LOXHD1: variants seen among roughly 807,000 people sequenced by gnomAD.
LOXHD1 encodes the protein lipoxygenase homology domain-containing protein 1.
Under a neutral mutation model 248.2 loss-of-function variants are expected in LOXHD1, and 205 were observed. That is an observed-to-expected ratio of 0.83 (90% CI 0.74 to 0.93). The LOEUF is 0.93. LOXHD1 is among the 40% of genes least tolerant of loss of function. LOXHD1 has a pLI of 0.00. For synonymous variants in LOXHD1, 1,113 were observed against 1,162.8 expected (o/e 0.96, Z 0.87); for missense variants, 2,930 against 2,971.6 (o/e 0.99, Z 0.33).
rs923044103 is a variant in LOXHD1 at position 46,542,365 on chromosome 18, G to A, written c.3748+362C>T. Among the ~76,000 whole-genome samples the A allele has an allele frequency of 2.0e-5, 3 of 152,176 alleles. No homozygotes were observed. The South Asian group carries it at 6.2e-4, about 32-fold the overall frequency. ...GAAGCAATTGAATCAAAGGCTCTGG[G>A]GGTGGAGCCAAGAAATCTGTGAGTT... On this transcript the variant is annotated intron_variant, in intron 24 of 40. Coordinates refer to ENST00000642948, the MANE Select transcript of LOXHD1 (RefSeq NM_001384474.1).
chr18:46,551,260 G>A (rs112332992), intron 21 of LOXHD1, among the ~76,000 whole-genome samples: 3 of 152,004 alleles, frequency 2.0e-5, no homozygotes, highest in South Asian at 2.1e-4. Flanking sequence ...TCACCACCAC[G>A]TCTGGCTAAT....
rs71162809 is a variant in LOXHD1 at position 46,573,022 on chromosome 18, C to CAAAAAA, written c.1971-866_1971-861dup. On this transcript the variant is annotated intron_variant, in intron 14 of 40. Coordinates refer to ENST00000642948, the MANE Select transcript of LOXHD1 (RefSeq NM_001384474.1). ...TGGGCGACAGGGTGAGACTCCGTCT[C>CAAAAAA]AAAAAAAAAAAAAAAAAAAAAAAAG... Among the ~76,000 whole-genome samples the CAAAAAA allele has an allele frequency of 1.3e-3, 77 of 57,352 alleles. 4 individuals carry two copies. The highest frequency in any genetic ancestry group is 1.8e-3 in the East Asian group (3 of 1,714). 37.6% of individuals were successfully genotyped at this position (57,352 alleles called of 152,430 possible). A position where few individuals can be genotyped will look rare whatever the true frequency, so the allele number is the denominator to read the frequency against.
intron 17 of LOXHD1, among the ~76,000 whole-genome samples, chr18:46,565,564 G>T (rs1315703757): frequency 6.6e-6 from 1 of 152,190 alleles, no homozygotes; most frequent in African/African-American, 2.4e-5. Flanking sequence ...TCATTCCTCA[G>T]TATCTGCAGG....
chr18:46,649,097 G>A lies in LOXHD1; in HGVS notation c.245+58C>T, dbSNP rs539041173. The A allele has an allele frequency of 1.8e-4, 252 of 1,436,294 alleles. 1 individual carries two copies. The Middle Eastern group carries it at 3.6e-3, about 21-fold the overall frequency. 89.0% of individuals were successfully genotyped at this position (1,436,294 alleles called of 1,614,324 possible). ...AGAAGCAGGCCACCCTTGGGTCCCA[G>A]AACCTAATCAACAGGACTAATGGCC... On this transcript the variant is annotated intron_variant, in intron 2 of 40. Transcript: ENST00000642948.
At chr18:46,559,101 C>T in intron 20 of LOXHD1, 2 of 1,309,796 alleles carry the variant, frequency 1.5e-6, no homozygotes, top group Non-Finnish European at 1.0e-6. Flanking sequence ...AAGTTGCTCC[C>T]TCCCCCTAGT....
At chr18:46,566,920 C>T (rs2037655078) in intron 16 of LOXHD1, among the ~76,000 whole-genome samples, 1 of 152,182 alleles carries the variant, frequency 6.6e-6, no homozygotes, top group African/African-American at 2.4e-5. Context: ...CAGAATATCA[C>T]CCATCCTGAA....
chr18:46,507,770 C>T, intron 35 of LOXHD1, 58 bp from the exon 36 acceptor site: 1 of 1,500,304 alleles, frequency 6.7e-7, no homozygotes. Context: ...CCACCAGCAC[C>T]CCCTGGCTCA....
At chr18:46,511,462 C>T (rs1458788081) in intron 34 of LOXHD1, among the ~76,000 whole-genome samples, 1 of 152,128 alleles carries the variant, frequency 6.6e-6, no homozygotes, top group Non-Finnish European at 1.5e-5. Flanking sequence ...AGGAAGGGCC[C>T]CCTTTGGCTG....
At chr18:46,547,985 A>G (rs1422447500) in intron 21 of LOXHD1, among the ~76,000 whole-genome samples, 1 of 152,210 alleles carries the variant, frequency 6.6e-6, no homozygotes, top group Non-Finnish European at 1.5e-5. Context: ...TGCCTATTTC[A>G]TAGGGTGTTG....
At chr18:46,646,472 ACT>A (rs909567175) in intron 2 of LOXHD1, among the ~76,000 whole-genome samples, 1 of 151,878 alleles carries the variant, frequency 6.6e-6, no homozygotes, top group Non-Finnish European at 1.5e-5. Context: ...TCACAGCCAG[ACT>A]CTGGCCTCCT....
chr18:46,635,742 C>A (rs776076995), intron 4 of LOXHD1, among the ~76,000 whole-genome samples: 3 of 152,168 alleles, frequency 2.0e-5, no homozygotes, highest in Non-Finnish European at 4.4e-5. Flanking sequence ...GTAATATCAA[C>A]TTTCTTATTA....
chr18:46,625,815 T>A (rs2038734050), intron 4 of LOXHD1, among the ~76,000 whole-genome samples: 1 of 152,152 alleles, frequency 6.6e-6, no homozygotes, highest in Admixed American at 6.5e-5. Flanking sequence ...TACCCTGCAG[T>A]CACTCGTCCT....
At chr18:46,622,090 G>A (rs1244991603) in intron 4 of LOXHD1, among the ~76,000 whole-genome samples, 1 of 152,188 alleles carries the variant, frequency 6.6e-6, no homozygotes, top group Non-Finnish European at 1.5e-5. Context: ...CTCAAAGCAA[G>A]GTCTCTGGTC....
At chr18:46,579,513 G>T in intron 13 of LOXHD1, 117 bp downstream of exon 13, 1 of 1,379,396 alleles carries the variant, frequency 7.2e-7, no homozygotes, top group Non-Finnish European at 1.0e-6. Flanking sequence ...TGAGGCTCCT[G>T]ATGGCTGAGG....
chr18:46,616,381 G>C (rs548410990), intron 5 of LOXHD1, among the ~76,000 whole-genome samples: 1 of 152,304 alleles, frequency 6.6e-6, no homozygotes, highest in South Asian at 2.1e-4. Context: ...GGAATGGGGA[G>C]ATCAGCAGGG....
chr18:46,599,739 A>G (rs2038307249), intron 8 of LOXHD1, among the ~76,000 whole-genome samples: 1 of 152,208 alleles, frequency 6.6e-6, no homozygotes, highest in Admixed American at 6.5e-5. Flanking sequence ...ATTGGTCAAT[A>G]GGAAACTCAG....
chr18:46,562,030 G>A (rs2037539640), intron 18 of LOXHD1, among the ~76,000 whole-genome samples: 1 of 152,226 alleles, frequency 6.6e-6, no homozygotes, highest in African/African-American at 2.4e-5. Flanking sequence ...TCCATCCCAA[G>A]TGCATTCCCT....
At position 46,560,140 on chromosome 18, in the gene LOXHD1, TGCCCCGG is replaced by T; in HGVS notation, c.2997_3003del (p.Gly1001ArgfsTer42). ...TCCACGACAAGTTCGTTGTCCTCCT[TGCCCCGG>T]GCCAGCCAGCGGTGGGCTTCGAACT... On this transcript the variant is annotated frameshift_variant, in exon 19 of 41. Transcript: ENST00000642948. LOFTEE classifies it high-confidence loss of function. 6.7e-7 allele frequency: 1 copy of T among 1,494,906 alleles called. No individual in the cohort carries two copies. Among genetic ancestry groups the T allele is most frequent in the Non-Finnish European group, 9.0e-7 (1 of 1,110,126 alleles). 92.6% of individuals were successfully genotyped at this position (1,494,906 alleles called of 1,614,324 possible).
At chr18:46,540,079 C>T (rs917084132) in intron 25 of LOXHD1, among the ~76,000 whole-genome samples, 7 of 152,162 alleles carry the variant, frequency 4.6e-5, no homozygotes, top group Non-Finnish European at 5.9e-5. Flanking sequence ...TGGTCCTTAC[C>T]TCCTTTAACC....
Sources: gnomAD v4.1 joint callset for allele counts (sites outside exome capture counted in the v4.1 genomes callset) on GRCh38, gnomAD v4.1.1 for gene constraint, MANE v1.5 for transcripts, NCBI Gene and HGNC (gene_info 2026-07-23, HGNC 2026-07-21) for gene names.